PCDHGA5: variants seen among roughly 807,000 people sequenced by gnomAD.
PCDHGA5 encodes the protein protocadherin gamma subfamily A, 5.
Under a neutral mutation model 56.7 loss-of-function variants are expected in PCDHGA5, and 36 were observed. The ratio of observed to expected loss-of-function variants is 0.64; its 90% CI spans 0.49 to 0.84. The LOEUF (loss-of-function observed/expected upper bound fraction) is 0.84, where lower values mean the gene tolerates loss of function less well. PCDHGA5 is among the 40% of genes least tolerant of loss of function. PCDHGA5 has a pLI of 0.00. For missense variants in PCDHGA5, 1,305 were observed against 1,201.5 expected (o/e 1.09, Z -1.27); for synonymous variants, 563 against 520.2 (o/e 1.08, Z -1.12).
chr5:141,371,968 T>C (rs768442022), intron 1 of PCDHGA5: 3 of 1,613,154 alleles, frequency 1.9e-6, no homozygotes, highest in Admixed American at 1.7e-5. Context: ...CACGAGCAGC[T>C]GCGTGCCTTC....
chr5:141,388,458 C>T, intron 1 of PCDHGA5: 1 of 1,613,696 alleles, frequency 6.2e-7, no homozygotes, highest in Non-Finnish European at 8.5e-7. Context: ...CAGTAAATAC[C>T]CTGAGATGGT....
At position 141,489,074 on chromosome 5, in the gene PCDHGA5, C is replaced by A; in HGVS notation, c.2422-5733C>A. On this transcript the variant is annotated intron_variant, in intron 1 of 3. Coordinates refer to ENST00000518069, the MANE Select transcript of PCDHGA5 (RefSeq NM_018918.3). The surrounding 1 kb of genome is among the most constrained non-coding windows in gnomAD (Gnocchi z 4.5). ...TTCAGCTCCCCTCCCCCCTGCCCAC[C>A]CCCGCCACTCGGTGACTAAGAACTG... 9.4e-6 allele frequency: 3 copies of A among 320,798 alleles called. No individual in the cohort carries two copies. The highest frequency in any genetic ancestry group is 1.7e-5 in the Non-Finnish European group (3 of 177,744). 19.9% of individuals were successfully genotyped at this position (320,798 alleles called of 1,614,324 possible). A position where few individuals can be genotyped will look rare whatever the true frequency, so the allele number is the denominator to read the frequency against.
Position 141,485,086 on chromosome 5 carries a change from A to T in PCDHGA5, c.2422-9721A>T. 1.0e-6 allele frequency: 1 copy of T among 999,576 alleles called. No individual in the cohort carries two copies. Among genetic ancestry groups the T allele is most frequent in the Non-Finnish European group, 1.5e-6 (1 of 651,740 alleles). 61.9% of individuals were successfully genotyped at this position (999,576 alleles called of 1,614,324 possible). A position where few individuals can be genotyped will look rare whatever the true frequency, so the allele number is the denominator to read the frequency against. On this transcript the variant is annotated intron_variant, in intron 1 of 3. Transcript: ENST00000518069. The surrounding 1 kb of genome is among the most constrained non-coding windows in gnomAD (Gnocchi z 5.7). The stretch of plus-strand genomic sequence containing the variant: ...CCAGAGCTGGCGCGGGGAAAGGGAG[A>T]TAGGTGTCTCCAGCTGCTGTGGCTG...
At chr5:141,395,131 C>T in intron 1 of PCDHGA5, 1 of 1,614,202 alleles carries the variant, frequency 6.2e-7, no homozygotes, top group Non-Finnish European at 8.5e-7. Flanking sequence ...TTTCCCCAGC[C>T]CAACTACGCA....
chr5:141,413,639 GT>G, intron 1 of PCDHGA5: 1 of 1,613,854 alleles, frequency 6.2e-7, no homozygotes, highest in South Asian at 1.1e-5. Context: ...GCGGGAATGC[GT>G]TTTCCTCTCC....
In PCDHGA5 at chr5:141,505,470, C is replaced by T. The variant is rs1241228956; in HGVS notation, c.2558C>T (p.Ala853Val). Reference protein sequence around the residue: ...DTEMLQAMILASASEAADGSS... With the variant: ...DTEMLQAMILVSASEAADGSS... ...GAGATGCTGCAAGCCATGATCTTGG[C>T]GTCCGCCAGTGGTAAGTGGTGTCAG... The change falls in exon 3 of 4, where the codon GCG becomes GTG. Residue 853 changes from alanine (A) to valine (V), a missense_variant. By Grantham distance (64) the Ala-to-Val change is moderately conservative. Transcript: ENST00000518069. 2 of 1,614,068 alleles carry T rather than the reference C, an allele frequency of 1.2e-6. No individual in the cohort carries two copies. Among genetic ancestry groups the T allele is most frequent in the Non-Finnish European group, 8.5e-7 (1 of 1,180,010 alleles).
intron 1 of PCDHGA5, among the ~76,000 whole-genome samples, chr5:141,470,055 G>A (rs1432696943): frequency 1.3e-5 from 2 of 152,192 alleles, no homozygotes; most frequent in Non-Finnish European, 1.5e-5. Context: ...TTTGAACCCC[G>A]GAGGCAGAGA....
intron 1 of PCDHGA5, chr5:141,390,432 C>T: frequency 2.0e-6 from 2 of 985,350 alleles, no homozygotes; most frequent in South Asian, 3.4e-5. Context: ...GCTGTCATAT[C>T]ATTCTACAAA....
At chr5:141,408,775 C>T (rs780901987) in intron 1 of PCDHGA5, 7 of 1,611,568 alleles carry the variant, frequency 4.3e-6, no homozygotes, top group Non-Finnish European at 5.9e-6. Context: ...GTGGCAAATA[C>T]CCAGAGTTAT....
At chr5:141,371,509 A>G (rs768507307) in intron 1 of PCDHGA5, 3 of 1,613,878 alleles carry the variant, frequency 1.9e-6, no homozygotes, top group South Asian at 2.2e-5. Context: ...ATCAAAACAC[A>G]TGATCTAGAT....
Position 141,390,256 on chromosome 5 carries a change from A to G in PCDHGA5, c.2421+23505A>G, listed in dbSNP as rs2150415347. On this transcript the variant is annotated intron_variant, in intron 1 of 3. Coordinates refer to ENST00000518069, the MANE Select transcript of PCDHGA5 (RefSeq NM_018918.3). ...TCTGGGGCCTTATTTCCACTTTGTAATTCCAGTGAATTGACTTCCCATCAG... is the reference window on the plus strand; with the variant it reads ...TCTGGGGCCTTATTTCCACTTTGTAGTTCCAGTGAATTGACTTCCCATCAG... 6 of 1,614,022 alleles carry G rather than the reference A, an allele frequency of 3.7e-6. No homozygotes were observed. The East Asian group carries it at 1.3e-4, about 36-fold the overall frequency.
intron 1 of PCDHGA5, chr5:141,395,450 C>A: frequency 1.6e-6 from 1 of 643,034 alleles, no homozygotes; most frequent in Non-Finnish European, 2.5e-6. Flanking sequence ...AAAGATTGTT[C>A]AACCATTTTA....
chr5:141,364,403 G>C lies in PCDHGA5; in HGVS notation c.73G>C (p.Glu25Gln). 6 of 1,608,570 alleles carry C rather than the reference G, an allele frequency of 3.7e-6. No homozygotes were observed. The highest frequency in any genetic ancestry group is 5.1e-6 in the Non-Finnish European group (6 of 1,177,124). The change falls in exon 1 of 4, where the codon GAG (glutamate) becomes CAG (glutamine). Residue 25 changes from glutamate (E) to glutamine (Q), a missense_variant. Coordinates refer to ENST00000518069, the MANE Select transcript of PCDHGA5 (RefSeq NM_018918.3). Reference protein sequence around the residue: ...LPFMLLGTLCEPGSGQIRYSM... With the variant: ...LPFMLLGTLCQPGSGQIRYSM... ...CTTCATGCTCCTGGGGACGCTGTGC[G>C]AGCCAGGATCCGGGCAGATCCGCTA...
In PCDHGA5 at chr5:141,431,118, A is replaced by T. The variant is rs2097344347; in HGVS notation, c.2422-63689A>T. On this transcript the variant is annotated intron_variant, in intron 1 of 3. Coordinates refer to ENST00000518069, the MANE Select transcript of PCDHGA5 (RefSeq NM_018918.3). This position sits in a 1 kb window ranked among gnomAD's most constrained non-coding sequence, Gnocchi z 4.8. ...GATAAAGTGAAAATATATGGAGTAG[A>T]AGTAGAAGTAAGGGACATTAACGAC... is the stretch of plus-strand genomic sequence containing the variant. The T allele has an allele frequency of 6.2e-7, 1 of 1,614,182 alleles. No homozygotes were observed. Among genetic ancestry groups the T allele is most frequent in the African/African-American group, 1.3e-5 (1 of 75,070 alleles).
intron 1 of PCDHGA5, chr5:141,409,578 T>A: frequency 6.2e-7 from 1 of 1,613,942 alleles, no homozygotes. Context: ...TCCTACGTGG[T>A]CCACGTGGCC....
intron 1 of PCDHGA5, chr5:141,393,420 G>A (rs2092755571): frequency 1.2e-6 from 2 of 1,614,050 alleles, no homozygotes; most frequent in Non-Finnish European, 1.7e-6. Context: ...CCTGGACAGG[G>A]AGGAAGAGGC....
At chr5:141,460,849 G>A (rs908955373) in intron 1 of PCDHGA5, among the ~76,000 whole-genome samples, 1 of 150,224 alleles carries the variant, frequency 6.7e-6, no homozygotes, top group Non-Finnish European at 1.5e-5. Flanking sequence ...CCTCCAGTTC[G>A]ATCCAAGTTG....
At chr5:141,478,832 G>A in intron 1 of PCDHGA5, 1 of 1,435,464 alleles carries the variant, frequency 7.0e-7, no homozygotes, top group South Asian at 1.5e-5. Context: ...TCTTGCTAAG[G>A]GATGGTTAAG....
intron 1 of PCDHGA5, among the ~76,000 whole-genome samples, chr5:141,456,877 C>T (rs910777736): frequency 2.0e-5 from 3 of 152,202 alleles, no homozygotes; most frequent in South Asian, 2.1e-4. Context: ...GCAGGAGAAT[C>T]GCTTGAACCC....
Sources: allele counts gnomAD v4.1 joint callset (sites outside exome capture counted in the v4.1 genomes callset), GRCh38; gene constraint gnomAD v4.1.1; non-coding constraint Gnocchi (gnomAD v3.1); transcripts MANE v1.5; gene names NCBI Gene and HGNC (gene_info 2026-07-23, HGNC 2026-07-21).